BCKDHB: variants seen among roughly 807,000 people sequenced by gnomAD.
BCKDHB encodes the protein branched chain keto acid dehydrogenase E1 subunit beta, also known as 2-oxoisovalerate dehydrogenase subunit beta, mitochondrial.
In BCKDHB, 41 loss-of-function variants were observed where a neutral mutation model predicts 48.5. The observed-to-expected ratio is 0.85, with a 90% CI of 0.66 to 1.10. The LOEUF is 1.10. BCKDHB is among the 50% of genes least tolerant of loss of function. The pLI, the probability that BCKDHB is intolerant of heterozygous loss-of-function variation, is 0.00. For missense variants in BCKDHB, 496 were observed against 494.2 expected, an observed-to-expected ratio of 1.00 and a Z score of -0.03; for synonymous variants, 201 against 174.8, an observed-to-expected ratio of 1.15 and a Z score of -1.18.
chr6:80,108,705 C>T (rs1353375437), intron 1 of BCKDHB, among the ~76,000 whole-genome samples: 1 of 151,920 alleles, frequency 6.6e-6, no homozygotes, highest in Non-Finnish European at 1.5e-5. Context: ...ACCAAAAATA[C>T]AAAAATTAGC....
chr6:80,257,412 CAT>C (rs1162991561), intron 8 of BCKDHB, among the ~76,000 whole-genome samples: 1 of 128,908 alleles, frequency 7.8e-6, no homozygotes, highest in Middle Eastern at 3.7e-3. Context: ...ATATATAATT[CAT>C]ATATATTCCT....
At chr6:80,328,525 A>T (rs532700921) in intron 9 of BCKDHB, among the ~76,000 whole-genome samples, 1 of 152,312 alleles carries the variant, frequency 6.6e-6, no homozygotes, top group South Asian at 2.1e-4. Flanking sequence ...AGCTGATTGG[A>T]ATTAACTTAT....
intron 9 of BCKDHB, among the ~76,000 whole-genome samples, chr6:80,294,222 C>G (rs573449531): frequency 6.6e-6 from 1 of 152,158 alleles, no homozygotes; most frequent in African/African-American, 2.4e-5. Context: ...GGACATTTAT[C>G]GGTTCTCAAA....
chr6:80,322,267 C>T (rs1403406032), intron 9 of BCKDHB, among the ~76,000 whole-genome samples: 2 of 121,252 alleles, frequency 1.6e-5, no homozygotes, highest in East Asian at 2.6e-4. Context: ...GTGACGGAGT[C>T]GCACTTTGTT....
the BCKDHB span, among the ~76,000 whole-genome samples, chr6:80,388,225 C>T: frequency 6.6e-6 from 1 of 152,154 alleles, no homozygotes; most frequent in African/African-American, 2.4e-5. Flanking sequence ...GTCCAGGCTG[C>T]TGTGAAAGCT....
chr6:80,335,986 T>A (rs532492092), intron 9 of BCKDHB, among the ~76,000 whole-genome samples: 11 of 152,146 alleles, frequency 7.2e-5, no homozygotes, highest in African/African-American at 2.4e-4. Context: ...TGTACTTTTT[T>A]AAAAAGTGAC....
intron 9 of BCKDHB, among the ~76,000 whole-genome samples, chr6:80,291,399 G>A (rs1766905944): frequency 6.6e-6 from 1 of 152,162 alleles, no homozygotes; most frequent in Non-Finnish European, 1.5e-5. Context: ...CTGACAGAAT[G>A]TGATATCTGG....
At chr6:80,465,632 A>G in the BCKDHB span, 1 of 152,216 alleles carries the variant, frequency 6.6e-6, no homozygotes, top group African/African-American at 2.4e-5. Context: ...CCGTAGGCAA[A>G]GCACATCATG....
the BCKDHB span, among the ~76,000 whole-genome samples, chr6:80,381,454 A>G: frequency 6.6e-6 from 1 of 152,094 alleles, no homozygotes; most frequent in Non-Finnish European, 1.5e-5. Flanking sequence ...ATTATTTCTC[A>G]CTTTCTGTTA....
At chr6:80,433,324 A>G in the BCKDHB span, among the ~76,000 whole-genome samples, 1 of 152,142 alleles carries the variant, frequency 6.6e-6, no homozygotes, top group Non-Finnish European at 1.5e-5. Context: ...TAAGTCCCCA[A>G]CTGGGGCTGC....
chr6:80,203,945 A>T (rs1774517225), intron 8 of BCKDHB, among the ~76,000 whole-genome samples: 2 of 132,758 alleles, frequency 1.5e-5, no homozygotes, highest in Non-Finnish European at 3.1e-5. Context: ...TAATAGTCTT[A>T]TCAATTAAGT....
chr6:80,348,967 A>T (rs566429436), downstream of BCKDHB, among the ~76,000 whole-genome samples: 3 of 152,254 alleles, frequency 2.0e-5, no homozygotes, highest in Admixed American at 6.5e-5. Context: ...GGACATCATA[A>T]CTGGAAGGAC....
intron 9 of BCKDHB, among the ~76,000 whole-genome samples, chr6:80,340,376 C>T (rs966215123): frequency 5.9e-5 from 9 of 152,186 alleles, no homozygotes; most frequent in African/African-American, 2.2e-4. Flanking sequence ...TCTCTGGTTA[C>T]ATGTTACACT....
At chr6:80,366,355 T>A in the BCKDHB span, among the ~76,000 whole-genome samples, 1 of 152,080 alleles carries the variant, frequency 6.6e-6, no homozygotes, top group South Asian at 2.1e-4. Flanking sequence ...ATGCCACAAC[T>A]ATAACTGGAA....
At chr6:80,126,236 C>A (rs1018438893) in intron 1 of BCKDHB, among the ~76,000 whole-genome samples, 1 of 152,044 alleles carries the variant, frequency 6.6e-6, no homozygotes, top group Non-Finnish European at 1.5e-5. Context: ...GCATTCAGTA[C>A]TGTTGAAAGG....
chr6:80,141,785 G>A (rs1771227086), intron 3 of BCKDHB, among the ~76,000 whole-genome samples: 1 of 152,034 alleles, frequency 6.6e-6, no homozygotes, highest in Non-Finnish European at 1.5e-5. Flanking sequence ...ATATGTATTA[G>A]AAAAGTAAAA....
intron 3 of BCKDHB, among the ~76,000 whole-genome samples, 194 bp from the exon 4 acceptor site, chr6:80,167,484 C>G (rs768486352): frequency 6.6e-6 from 1 of 151,914 alleles, no homozygotes; most frequent in Admixed American, 6.6e-5. Context: ...TCAAGTAATC[C>G]TCTTGCCTTG....
At chr6:80,226,417 C>T (rs955996456) in intron 8 of BCKDHB, among the ~76,000 whole-genome samples, 2 of 152,166 alleles carry the variant, frequency 1.3e-5, no homozygotes, top group Admixed American at 6.5e-5. Flanking sequence ...TGAGAGAGAG[C>T]ATGCATTGTC....
At chr6:80,144,689 C>A (rs892922750) in intron 3 of BCKDHB, among the ~76,000 whole-genome samples, 4 of 152,052 alleles carry the variant, frequency 2.6e-5, no homozygotes, top group East Asian at 3.9e-4. Context: ...TCTAGCTCAC[C>A]CTCTTTCTTT....
Sources: allele counts gnomAD v4.1 joint callset (sites outside exome capture counted in the v4.1 genomes callset), GRCh38; gene constraint gnomAD v4.1.1; transcripts MANE v1.5; gene names NCBI Gene and HGNC (gene_info 2026-07-23, HGNC 2026-07-21).